Variants in HTR2A observed in about 807,000 individuals in gnomAD.
HTR2A encodes 5-hydroxytryptamine receptor 2A.
Under a neutral mutation model 31.0 loss-of-function variants are expected in HTR2A, and 14 were observed. The ratio of observed to expected loss-of-function variants is 0.45; its 90% CI spans 0.30 to 0.71. The LOEUF is 0.71. HTR2A is among the 30% of genes least tolerant of loss of function. The pLI is 0.09. For synonymous variants in HTR2A, 209 were observed against 225.2 expected, an observed-to-expected ratio of 0.93 and a Z score of 0.64; for missense variants, 442 against 573.3, an observed-to-expected ratio of 0.77 and a Z score of 2.34.
intron 3 of HTR2A, among the ~76,000 whole-genome samples, chr13:46,840,578 C>A (rs553468152): frequency 6.6e-6 from 1 of 152,234 alleles, no homozygotes; most frequent in African/African-American, 2.4e-5. Flanking sequence ...CTTGGGCCTA[C>A]CAAGCTTAAG....
At position 46,834,591 on chromosome 13, in the gene HTR2A, A is replaced by G. The variant is rs1480836245; in HGVS notation, c.*246T>C. ...TAAAAGTGAATCATTTTAAAGACAT[A>G]TCATTTACAATGTTATAAATAAGTA... On this transcript the variant is annotated 3_prime_UTR_variant, in exon 4 of 4. Transcript: ENST00000542664. The G allele has an allele frequency of 1.1e-5, 5 of 459,470 alleles. No individual in the cohort carries two copies. The highest frequency in any genetic ancestry group is 7.8e-5 in the African/African-American group (4 of 51,348). 28.5% of individuals were successfully genotyped at this position (459,470 alleles called of 1,614,324 possible). A position where few individuals can be genotyped will look rare whatever the true frequency, so the allele number is the denominator to read the frequency against.
In HTR2A at chr13:46,896,912, C is replaced by G. The variant is rs551218742; in HGVS notation, c.-567G>C. On this transcript the variant is annotated 5_prime_UTR_variant, in exon 1 of 4. Transcript: ENST00000542664. ...ACGGCTCGGCTGGGTTCCTCCCTCC[C>G]TGTGCGGCTCGCCTCAGCAGGCACA... The G allele has an allele frequency of 1.1e-4, 136 of 1,229,484 alleles. 1 individual carries two copies. In the South Asian group the frequency reaches 1.8e-3, roughly 16 times the overall value. 76.2% of individuals were successfully genotyped at this position (1,229,484 alleles called of 1,614,324 possible). A position where few individuals can be genotyped will look rare whatever the true frequency, so the allele number is the denominator to read the frequency against.
intron 3 of HTR2A, among the ~76,000 whole-genome samples, chr13:46,887,202 G>A (rs993644715): frequency 6.6e-6 from 1 of 152,040 alleles, no homozygotes; most frequent in African/African-American, 2.4e-5. Context: ...GGCGGATCAT[G>A]AGGTCAGTAG....
intron 3 of HTR2A, among the ~76,000 whole-genome samples, chr13:46,871,722 C>T (rs2138227528): frequency 6.6e-6 from 1 of 152,206 alleles, no homozygotes; most frequent in African/African-American, 2.4e-5. Flanking sequence ...TCTTTCCCTG[C>T]ATTTTTGACA....
intron 3 of HTR2A, among the ~76,000 whole-genome samples, chr13:46,890,491 A>C (rs1951044265): frequency 6.6e-6 from 1 of 152,194 alleles, no homozygotes; most frequent in African/African-American, 2.4e-5. Flanking sequence ...CTTTGGACTC[A>C]GATTGACCCA....
At chr13:46,838,820 T>C (rs1176472795) in intron 3 of HTR2A, among the ~76,000 whole-genome samples, 3 of 152,176 alleles carry the variant, frequency 2.0e-5, no homozygotes, top group Non-Finnish European at 4.4e-5. Flanking sequence ...TTCTAATTAA[T>C]ACAAAGGAAG....
chr13:46,893,806 A>T (rs1245336460), intron 2 of HTR2A, among the ~76,000 whole-genome samples: 2 of 152,152 alleles, frequency 1.3e-5, no homozygotes, highest in Non-Finnish European at 2.9e-5. Flanking sequence ...TAAGAAGGAA[A>T]ATTTTAAAGT....
chr13:46,863,647 A>ATG (rs1200445832), intron 3 of HTR2A, among the ~76,000 whole-genome samples: 1 of 109,512 alleles, frequency 9.1e-6, no homozygotes. Context: ...AAAAAAAAAA[A>ATG]AAGAAAAAAA....
intron 3 of HTR2A, among the ~76,000 whole-genome samples, chr13:46,881,758 C>A (rs777430789): frequency 6.6e-6 from 1 of 152,146 alleles, no homozygotes; most frequent in Non-Finnish European, 1.5e-5. Context: ...TGGAGGGTCC[C>A]AGGAGAGACA....
At chr13:46,884,881 A>G (rs1220683464) in intron 3 of HTR2A, among the ~76,000 whole-genome samples, 1 of 152,080 alleles carries the variant, frequency 6.6e-6, no homozygotes, top group Non-Finnish European at 1.5e-5. Context: ...GTTTACCAGA[A>G]TGAGCTCACA....
intron 3 of HTR2A, among the ~76,000 whole-genome samples, chr13:46,843,293 T>A (rs1056203368): frequency 2.0e-5 from 3 of 152,326 alleles, no homozygotes; most frequent in Non-Finnish European, 4.4e-5. Flanking sequence ...ATCACAGGTA[T>A]GTGCACATAG....
chr13:46,841,775 T>C (rs889665830), intron 3 of HTR2A, among the ~76,000 whole-genome samples: 3 of 152,182 alleles, frequency 2.0e-5, no homozygotes, highest in Non-Finnish European at 4.4e-5. Flanking sequence ...GGCGAAGAGA[T>C]TGAATTCTGG....
chr13:46,894,927 A>T (rs944952943), intron 2 of HTR2A, among the ~76,000 whole-genome samples: 1 of 152,220 alleles, frequency 6.6e-6, no homozygotes, highest in African/African-American at 2.4e-5. Context: ...GAACAATTAA[A>T]ACTGGAGTAA....
At chr13:46,836,298 A>G (rs1301156990) in intron 3 of HTR2A, among the ~76,000 whole-genome samples, 1 of 152,076 alleles carries the variant, frequency 6.6e-6, no homozygotes, top group Non-Finnish European at 1.5e-5. Context: ...ACAAAAATGT[A>G]ACAATGAATA....
chr13:46,872,700 A>C (rs1950872289), intron 3 of HTR2A, among the ~76,000 whole-genome samples: 1 of 152,182 alleles, frequency 6.6e-6, no homozygotes, highest in Non-Finnish European at 1.5e-5. Context: ...GCATCTCTAT[A>C]TACAAAAGCC....
intron 3 of HTR2A, among the ~76,000 whole-genome samples, chr13:46,874,920 A>G (rs1182070064): frequency 6.6e-6 from 1 of 152,256 alleles, no homozygotes; most frequent in Non-Finnish European, 1.5e-5. Flanking sequence ...AAGCACAGCC[A>G]ATAAATGAGG....
chr13:46,831,664 G>T lies in HTR2A; in HGVS notation c.*3173C>A, dbSNP rs996622862. ...CACTGTATTTGTTACATATGGCACAGAATAATTTAGCACTTTATAAATATG... is the reference window on the plus strand; with the variant it reads ...CACTGTATTTGTTACATATGGCACATAATAATTTAGCACTTTATAAATATG... On this transcript the variant is annotated 3_prime_UTR_variant, in exon 4 of 4. Transcript: ENST00000542664. 1.3e-5 allele frequency: 2 copies of T among 152,340 alleles called. No individual in the cohort carries two copies. The highest frequency in any genetic ancestry group is 3.4e-3 in the Middle Eastern group (1 of 294). The allele number at this position is 152,340 out of a possible 1,614,324, so 9.4% of individuals were successfully genotyped here. A position where few individuals can be genotyped will look rare whatever the true frequency, so the allele number is the denominator to read the frequency against.
chr13:46,894,260 C>A (rs1264133740), intron 2 of HTR2A, among the ~76,000 whole-genome samples: 1 of 152,132 alleles, frequency 6.6e-6, no homozygotes, highest in African/African-American at 2.4e-5. Flanking sequence ...CCTTGCTCCC[C>A]AAGCGGGTGA....
At chr13:46,889,748 A>G (rs1951036273) in intron 3 of HTR2A, among the ~76,000 whole-genome samples, 1 of 152,244 alleles carries the variant, frequency 6.6e-6, no homozygotes, top group South Asian at 2.1e-4. Flanking sequence ...CCACACACAA[A>G]GCAAACAAAA....
Sources: gnomAD v4.1 joint callset for allele counts (sites outside exome capture counted in the v4.1 genomes callset) on GRCh38, gnomAD v4.1.1 for gene constraint, MANE v1.5 for transcripts, NCBI Gene and HGNC (gene_info 2026-07-23, HGNC 2026-07-21) for gene names.